KCNK2: variants seen among roughly 807,000 people sequenced by gnomAD.
KCNK2 encodes the protein potassium channel subfamily K member 2.
Under a neutral mutation model 40.5 loss-of-function variants are expected in KCNK2, and 21 were observed. That is an observed-to-expected ratio of 0.52 (90% CI 0.37 to 0.75). KCNK2 has a LOEUF of 0.75. Among genes scored for constraint, KCNK2 ranks in the 30% least tolerant of loss-of-function variants. KCNK2 has a pLI of 0.00. For synonymous variants in KCNK2, 191 were observed against 202.2 expected (o/e 0.94, Z 0.47); for missense variants, 399 against 531.6 (o/e 0.75, Z 2.45).
chr1:215,132,514 A>G (rs559137183), intron 3 of KCNK2, among the ~76,000 whole-genome samples: 2 of 152,204 alleles, frequency 1.3e-5, no homozygotes, highest in African/African-American at 2.4e-5. Context: ...TTCCTACTCT[A>G]CAATCTCATT....
intron 1 of KCNK2, among the ~76,000 whole-genome samples, chr1:215,077,528 A>G (rs901204291): frequency 3.3e-5 from 5 of 152,190 alleles, no homozygotes; most frequent in East Asian, 3.9e-4. Context: ...TGTTCTGCAC[A>G]TAGCAACCAG....
upstream of KCNK2, chr1:215,081,736 T>C (rs928578439): frequency 9.9e-5 from 15 of 152,114 alleles, no homozygotes; most frequent in Admixed American, 5.2e-4. Context: ...GGATTCCCGC[T>C]GAGAAAGTGG....
At chr1:215,021,537 C>CTTTTTTTTTTTTTT (rs538476962) in intron 1 of KCNK2, among the ~76,000 whole-genome samples, 3 of 96,324 alleles carry the variant, frequency 3.1e-5, no homozygotes, top group African/African-American at 1.3e-4. Context: ...GGACAACCAT[C>CTTTTTTTTTTTTTT]TTTTTTTTTT....
chr1:215,180,002 T>C (rs1013093992), intron 5 of KCNK2, among the ~76,000 whole-genome samples: 1 of 152,132 alleles, frequency 6.6e-6, no homozygotes, highest in Non-Finnish European at 1.5e-5. Flanking sequence ...AGTCTTTTCA[T>C]AGATCTGGAA....
intron 3 of KCNK2, among the ~76,000 whole-genome samples, chr1:215,143,893 G>T (rs560750706): frequency 6.6e-6 from 1 of 152,188 alleles, no homozygotes; most frequent in South Asian, 2.1e-4. Context: ...TGTTGCCTTT[G>T]GAAAACACTT....
chr1:215,190,185 T>C (rs569033695), intron 5 of KCNK2, among the ~76,000 whole-genome samples: 1 of 152,248 alleles, frequency 6.6e-6, no homozygotes, highest in African/African-American at 2.4e-5. Context: ...GAGGGGATGT[T>C]GTATGCCCAA....
chr1:215,016,181 C>T (rs1467832481), intron 1 of KCNK2, among the ~76,000 whole-genome samples: 1 of 152,002 alleles, frequency 6.6e-6, no homozygotes, highest in Non-Finnish European at 1.5e-5. Context: ...ACAGGTTGAA[C>T]ACTAAAGAGA....
intron 1 of KCNK2, among the ~76,000 whole-genome samples, chr1:215,008,291 T>C (rs1211978767): frequency 6.6e-6 from 1 of 152,158 alleles, no homozygotes; most frequent in African/African-American, 2.4e-5. Flanking sequence ...AACTTTAGTT[T>C]TTATGGCATG....
At chr1:215,223,063 G>A (rs777670750) in intron 6 of KCNK2, among the ~76,000 whole-genome samples, 4 of 151,938 alleles carry the variant, frequency 2.6e-5, no homozygotes, top group African/African-American at 7.2e-5. Context: ...AAAAAATCCC[G>A]GTCAAAGATC....
At chr1:215,042,037 A>C (rs756295455) in intron 1 of KCNK2, among the ~76,000 whole-genome samples, 1 of 152,266 alleles carries the variant, frequency 6.6e-6, no homozygotes, top group Non-Finnish European at 1.5e-5. Context: ...ATCAGATCTC[A>C]TGAGACTTAT....
chr1:215,118,692 T>C (rs1324392665), intron 2 of KCNK2, among the ~76,000 whole-genome samples: 3 of 152,136 alleles, frequency 2.0e-5, no homozygotes, highest in Non-Finnish European at 2.9e-5. Context: ...GTACAACTTA[T>C]TGGAAATTAT....
intron 3 of KCNK2, among the ~76,000 whole-genome samples, chr1:215,127,257 T>A (rs1191282479): frequency 1.3e-5 from 2 of 152,148 alleles, no homozygotes; most frequent in Non-Finnish European, 2.9e-5. Flanking sequence ...GTGTTCAATT[T>A]CATCAATTTT....
intron 1 of KCNK2, among the ~76,000 whole-genome samples, chr1:215,071,846 T>A (rs1386193250): frequency 6.6e-6 from 1 of 152,066 alleles, no homozygotes; most frequent in Admixed American, 6.5e-5. Flanking sequence ...CCATAAACAG[T>A]GATCCAGCGG....
chr1:215,159,644 T>C (rs1406950115), intron 3 of KCNK2, among the ~76,000 whole-genome samples: 1 of 152,242 alleles, frequency 6.6e-6, no homozygotes, highest in East Asian at 1.9e-4. Flanking sequence ...CATGTGTTCT[T>C]TTCTAGCAGT....
chr1:215,045,654 G>A (rs549380860), intron 1 of KCNK2, among the ~76,000 whole-genome samples: 1 of 152,222 alleles, frequency 6.6e-6, no homozygotes, highest in South Asian at 2.1e-4. Context: ...TTATCTAAAA[G>A]CCCTCTTTAA....
chr1:215,022,713 T>C (rs1231583405), intron 1 of KCNK2, among the ~76,000 whole-genome samples: 2 of 152,252 alleles, frequency 1.3e-5, no homozygotes, highest in East Asian at 3.9e-4. Flanking sequence ...TTGGGGAAGG[T>C]ACATGGCCCT....
intron 6 of KCNK2, among the ~76,000 whole-genome samples, chr1:215,230,130 C>T (rs564001187): frequency 3.2e-5 from 4 of 126,412 alleles, no homozygotes; most frequent in Admixed American, 2.5e-4. Context: ...CACACACACA[C>T]GGTCATGCAT....
At chr1:215,194,509 G>T (rs1429528201) in intron 5 of KCNK2, among the ~76,000 whole-genome samples, 1 of 152,080 alleles carries the variant, frequency 6.6e-6, no homozygotes, top group Non-Finnish European at 1.5e-5. Flanking sequence ...GTTCAGTTTG[G>T]CATTAAGTTG....
At chr1:215,188,027 C>A (rs1664520899) in intron 5 of KCNK2, among the ~76,000 whole-genome samples, 1 of 152,000 alleles carries the variant, frequency 6.6e-6, no homozygotes, top group South Asian at 2.1e-4. Flanking sequence ...AAGTTCTAGG[C>A]AAAAATCCAG....
Sources: gnomAD v4.1 joint callset for allele counts (sites outside exome capture counted in the v4.1 genomes callset) on GRCh38, gnomAD v4.1.1 for gene constraint, MANE v1.5 for transcripts, NCBI Gene and HGNC (gene_info 2026-07-23, HGNC 2026-07-21) for gene names.